The following NTM variants were observed in gnomAD, a reference collection of about 807,000 sequenced individuals.
NTM encodes neurotrimin, also known as IgLON family member 2.
In NTM, 13 loss-of-function variants were observed where a neutral mutation model predicts 42.1. That is an observed-to-expected ratio of 0.31 (90% CI 0.20 to 0.49). NTM has a LOEUF of 0.49. Among genes scored for constraint, NTM ranks in the 20% least tolerant of loss-of-function variants. NTM has a pLI of 0.99. For synonymous variants in NTM, 187 were observed against 179.2 expected (o/e 1.04, Z -0.35); for missense variants, 373 against 452.8 (o/e 0.82, Z 1.60).
intron 4 of NTM, among the ~76,000 whole-genome samples, chr11:132,214,211 AG>A (rs2083403038): frequency 6.6e-6 from 1 of 152,142 alleles, no homozygotes; most frequent in Admixed American, 6.5e-5. Context: ...CTTCTGAAGG[AG>A]GGGCCATTCA....
At chr11:132,009,497 C>T (rs1020660226) in intron 2 of NTM, among the ~76,000 whole-genome samples, 1 of 152,210 alleles carries the variant, frequency 6.6e-6, no homozygotes, top group Non-Finnish European at 1.5e-5. Flanking sequence ...TCGTTTCTGG[C>T]ACTGACACTG....
chr11:132,320,877 C>T (rs542194891), intron 7 of NTM, among the ~76,000 whole-genome samples: 359 of 151,406 alleles, frequency 2.4e-3, no homozygotes, highest in Admixed American at 7.0e-3. Context: ...CCCTGACCCC[C>T]GAGCAGCCTA....
chr11:132,125,338 G>A (rs2065514442), intron 2 of NTM, among the ~76,000 whole-genome samples: 1 of 142,980 alleles, frequency 7.0e-6, no homozygotes, highest in African/African-American at 2.6e-5. Context: ...TGTGTGGTGT[G>A]GTATGTGATT....
At chr11:131,630,843 T>C (rs2063582543) in intron 1 of NTM, among the ~76,000 whole-genome samples, 2 of 152,236 alleles carry the variant, frequency 1.3e-5, no homozygotes, top group South Asian at 4.1e-4. Context: ...AAATTTTAAC[T>C]AGGCTTTTTA....
rs2137335315 is a variant in NTM at position 132,146,588 on chromosome 11, G to A, written c.400+74G>A. 2 of 1,480,258 alleles carry A rather than the reference G, an allele frequency of 1.4e-6. No individual in the cohort carries two copies. Among genetic ancestry groups the A allele is most frequent in the South Asian group, 2.5e-5 (2 of 80,734 alleles). The allele number at this position is 1,480,258 out of a possible 1,614,324, so 91.7% of individuals were successfully genotyped here. ...GCCTTCAGGTAAAGGTTTGTTCTCT[G>A]ATCCTCAACAGAGATGAGTTATCCT... On this transcript the variant is annotated intron_variant, in intron 3 of 8. Coordinates refer to ENST00000683400, the MANE Select transcript of NTM (RefSeq NM_001352005.2). The surrounding 1 kb of genome is among the most constrained non-coding windows in gnomAD (Gnocchi z 4.5).
rs950164312 is a variant in NTM, at chr11:132,003,341, G to A, written c.167+91693G>A. 2.6e-5 allele frequency among the ~76,000 whole-genome samples: 4 copies of A among 151,858 alleles called. No individual in the cohort carries two copies. Among genetic ancestry groups the A allele is most frequent in the East Asian group, 1.9e-4 (1 of 5,176 alleles). On this transcript the variant is annotated intron_variant, in intron 2 of 8. Transcript: ENST00000683400. This position sits in a 1 kb window ranked among gnomAD's most constrained non-coding sequence, Gnocchi z 6.0. ...GCTTACTGCAGCCTCAACCTCCTGG[G>A]CTCAAATGATCCTCACACCTCAGCC...
intron 1 of NTM, among the ~76,000 whole-genome samples, chr11:131,661,736 C>A (rs1171795069): frequency 6.6e-6 from 1 of 152,098 alleles, no homozygotes. Flanking sequence ...AATTGCTTTC[C>A]CCTAAGAGTA....
At chr11:131,443,888 T>C (rs550365397) in intron 1 of NTM, among the ~76,000 whole-genome samples, 15 of 152,280 alleles carry the variant, frequency 9.9e-5, no homozygotes, top group African/African-American at 3.6e-4. Context: ...TGGAGGAAGA[T>C]ACCTCCATAC....
chr11:132,142,858 G>A (rs2069488896), intron 2 of NTM, among the ~76,000 whole-genome samples: 1 of 152,132 alleles, frequency 6.6e-6, no homozygotes, highest in African/African-American at 2.4e-5. Flanking sequence ...GCAGTGTTGG[G>A]GGACGGCTTC....
intron 1 of NTM, among the ~76,000 whole-genome samples, chr11:131,801,478 C>T (rs913739039): frequency 1.3e-5 from 2 of 152,114 alleles, no homozygotes; most frequent in East Asian, 1.9e-4. Context: ...GGTTGTGTTC[C>T]GCTCAGCTTG....
chr11:132,141,220 T>A (rs2069055136), intron 2 of NTM: 1 of 151,932 alleles, frequency 6.6e-6, no homozygotes, highest in South Asian at 2.1e-4. Flanking sequence ...TCTCTCTCTC[T>A]TTCTCTCTCT....
At position 131,761,723 on chromosome 11, in the gene NTM, C is replaced by G. The variant is rs568185285; in HGVS notation, c.83-149841C>G. 1.9e-4 allele frequency among the ~76,000 whole-genome samples: 29 copies of G among 152,030 alleles called. 3 individuals carry two copies. In the East Asian group the frequency reaches 4.7e-3, roughly 24 times the overall value. The stretch of plus-strand genomic sequence containing the variant: ...ACTCAGGTGGCTGGGGCAGGGGAAT[C>G]GCTTGAACCTGGCAGGCGGAGGTTG... On this transcript the variant is annotated intron_variant, in intron 1 of 8. Coordinates refer to ENST00000683400, the MANE Select transcript of NTM (RefSeq NM_001352005.2).
intron 1 of NTM, among the ~76,000 whole-genome samples, chr11:131,591,974 G>A (rs1483202852): frequency 6.6e-6 from 1 of 152,194 alleles, no homozygotes; most frequent in Non-Finnish European, 1.5e-5. Flanking sequence ...TCACCTGCTG[G>A]AAATCAGTCA....
At chr11:132,208,513 G>T (rs567214916) in intron 3 of NTM, among the ~76,000 whole-genome samples, 23 of 152,238 alleles carry the variant, frequency 1.5e-4, no homozygotes, top group African/African-American at 5.1e-4. Flanking sequence ...AATTATTAGT[G>T]GGGGGAGACA....
intron 2 of NTM, among the ~76,000 whole-genome samples, chr11:131,970,400 G>T (rs993950047): frequency 6.6e-6 from 1 of 152,156 alleles, no homozygotes; most frequent in African/African-American, 2.4e-5. Flanking sequence ...CTTCCGATTT[G>T]GTACTGAGCT....
chr11:132,004,383 C>T (rs1392338604), intron 2 of NTM, among the ~76,000 whole-genome samples: 2 of 152,164 alleles, frequency 1.3e-5, no homozygotes, highest in Non-Finnish European at 2.9e-5. Context: ...TCCAGCACCT[C>T]TTTCTTTATT....
chr11:131,380,579 C>A (rs1352596907), intron 1 of NTM, among the ~76,000 whole-genome samples: 1 of 152,114 alleles, frequency 6.6e-6, no homozygotes, highest in Non-Finnish European at 1.5e-5. Context: ...ATATCCACAA[C>A]CTGTTAGTGT....
chr11:131,799,205 C>T (rs894748356), intron 1 of NTM, among the ~76,000 whole-genome samples: 1 of 152,040 alleles, frequency 6.6e-6, no homozygotes, highest in African/African-American at 2.4e-5. Context: ...TATATCCCAC[C>T]CTACCCCACT....
chr11:132,131,614 G>A (rs959924215), intron 2 of NTM, among the ~76,000 whole-genome samples: 16 of 152,212 alleles, frequency 1.1e-4, no homozygotes, highest in Non-Finnish European at 1.8e-4. Context: ...TGGGGCATGG[G>A]AGAGCATGCC....
Sources: allele counts gnomAD v4.1 joint callset (sites outside exome capture counted in the v4.1 genomes callset), GRCh38; gene constraint gnomAD v4.1.1; non-coding constraint Gnocchi (gnomAD v3.1); transcripts MANE v1.5; gene names NCBI Gene and HGNC (gene_info 2026-07-23, HGNC 2026-07-21).